Variants in CHCHD3 observed in about 807,000 individuals in gnomAD.
CHCHD3 encodes the protein MICOS complex subunit MIC19.
Under a neutral mutation model 38.2 loss-of-function variants are expected in CHCHD3, and 20 were observed. The observed-to-expected ratio is 0.52, with a 90% CI of 0.37 to 0.76. CHCHD3 has a LOEUF of 0.76. Among genes scored for constraint, CHCHD3 ranks in the 30% least tolerant of loss-of-function variants. The pLI is 0.00. For missense variants in CHCHD3, 245 were observed against 279.2 expected, an observed-to-expected ratio of 0.88 and a Z score of 0.87; for synonymous variants, 82 against 100.0, an observed-to-expected ratio of 0.82 and a Z score of 1.07.
intron 6 of CHCHD3, among the ~76,000 whole-genome samples, chr7:132,818,329 A>C (rs772670383): frequency 1.3e-5 from 2 of 152,228 alleles, no homozygotes; most frequent in Non-Finnish European, 2.9e-5. Context: ...CCACTAATGC[A>C]AGCAAGGTAG....
Position 133,035,086 on chromosome 7 carries a change from G to T in CHCHD3, c.170-10459C>A. 1 of 1,613,712 alleles carries T rather than the reference G, an allele frequency of 6.2e-7. No individual in the cohort carries two copies. The highest frequency in any genetic ancestry group is 8.5e-7 in the Non-Finnish European group (1 of 1,179,734). On this transcript the variant is annotated intron_variant, in intron 2 of 7. Coordinates refer to ENST00000262570, the MANE Select transcript of CHCHD3 (RefSeq NM_017812.4). This position sits in a 1 kb window ranked among gnomAD's most constrained non-coding sequence, Gnocchi z 4.7. ...GTACTCTTGGGCAGGTGAGCGAAGGGGTCCTTGGCCTTGGGCTCAGCAGCC... is the reference window on the plus strand; with the variant it reads ...GTACTCTTGGGCAGGTGAGCGAAGGTGTCCTTGGCCTTGGGCTCAGCAGCC...
chr7:132,966,049 T>C (rs1244179936), intron 4 of CHCHD3, among the ~76,000 whole-genome samples: 1 of 152,214 alleles, frequency 6.6e-6, no homozygotes, highest in African/African-American at 2.4e-5. Flanking sequence ...GTGCTATCTG[T>C]GTAAATCATA....
chr7:132,831,874 G>A (rs1219108471), intron 6 of CHCHD3, among the ~76,000 whole-genome samples: 1 of 152,048 alleles, frequency 6.6e-6, no homozygotes, highest in Non-Finnish European at 1.5e-5. Context: ...CAATTAAGCA[G>A]GATCTTTAAA....
rs1453712089 is a variant in CHCHD3 at position 132,796,448 on chromosome 7, G to A, written c.654C>T (p.Ala218=). 1 of 1,613,690 alleles carries A rather than the reference G, an allele frequency of 6.2e-7. No individual in the cohort carries two copies. The highest frequency in any genetic ancestry group is 8.5e-7 in the Non-Finnish European group (1 of 1,179,746). ...ATQYMHCVNH[A]KQSMLEKGG is the part of the protein sequence containing the mutation. ...GCCTGGCTGGCACACCTACCTGTTT[G>A]GCATGATTGACACAGTGCATATACT... Residue 218 remains alanine, a synonymous_variant, in exon 7 of 8, where the codon GCC becomes GCT. Coordinates refer to ENST00000262570, the MANE Select transcript of CHCHD3 (RefSeq NM_017812.4).
chr7:132,811,663 C>T (rs906427113), intron 6 of CHCHD3, among the ~76,000 whole-genome samples: 1 of 152,232 alleles, frequency 6.6e-6, no homozygotes, highest in African/African-American at 2.4e-5. Context: ...TAGTAGACAT[C>T]TTATAGGACC....
intron 1 of CHCHD3, among the ~76,000 whole-genome samples, chr7:133,075,422 G>A (rs1584689894): frequency 6.6e-6 from 1 of 152,168 alleles, no homozygotes; most frequent in African/African-American, 2.4e-5. Context: ...GCCATCTACT[G>A]TTGCACCTCT....
intron 6 of CHCHD3, among the ~76,000 whole-genome samples, chr7:132,815,162 C>G (rs1162226276): frequency 6.6e-6 from 1 of 152,156 alleles, no homozygotes; most frequent in Non-Finnish European, 1.5e-5. Flanking sequence ...TCAAATCCAG[C>G]CACTTTTAGA....
intron 6 of CHCHD3, among the ~76,000 whole-genome samples, chr7:132,813,928 G>T (rs1373555125): frequency 6.6e-6 from 1 of 152,162 alleles, no homozygotes; most frequent in African/African-American, 2.4e-5. Context: ...CGTGCTCACG[G>T]GGAGCAACAG....
chr7:133,064,311 CA>C (rs1238209402), intron 2 of CHCHD3, among the ~76,000 whole-genome samples: 23 of 152,252 alleles, frequency 1.5e-4, no homozygotes, highest in African/African-American at 5.3e-4. Flanking sequence ...GCCTTTAATT[CA>C]ATAGCAATTA....
At chr7:132,933,201 G>A (rs1000356298) in intron 4 of CHCHD3, among the ~76,000 whole-genome samples, 1 of 152,182 alleles carries the variant, frequency 6.6e-6, no homozygotes, top group Non-Finnish European at 1.5e-5. Context: ...CTTATCAACT[G>A]AGTCATATTT....
At chr7:132,978,614 G>A (rs73162650) in intron 3 of CHCHD3, among the ~76,000 whole-genome samples, 232 of 152,190 alleles carry the variant, frequency 1.5e-3, no homozygotes, top group Non-Finnish European at 2.7e-3. Context: ...AGAACACAAG[G>A]CGATGGTATA....
chr7:133,031,878 A>C (rs1813514045), intron 2 of CHCHD3, among the ~76,000 whole-genome samples: 1 of 152,200 alleles, frequency 6.6e-6, no homozygotes, highest in African/African-American at 2.4e-5. Flanking sequence ...GCCAAATTAA[A>C]TTTTCAGCTC....
chr7:132,953,923 G>T (rs1163770705), intron 4 of CHCHD3, among the ~76,000 whole-genome samples: 1 of 152,124 alleles, frequency 6.6e-6, no homozygotes, highest in Non-Finnish European at 1.5e-5. Flanking sequence ...ATAAATTATC[G>T]GGTTGCCCTA....
intron 2 of CHCHD3, among the ~76,000 whole-genome samples, chr7:133,067,256 G>A (rs554545528): frequency 2.6e-5 from 4 of 151,068 alleles, no homozygotes; most frequent in Admixed American, 1.3e-4. Flanking sequence ...CGCTAACTCC[G>A]TAACACAGGA....
intron 6 of CHCHD3, among the ~76,000 whole-genome samples, chr7:132,835,646 T>C (rs1449843324): frequency 6.6e-6 from 1 of 152,196 alleles, no homozygotes; most frequent in African/African-American, 2.4e-5. Context: ...TCTTTCTCTA[T>C]GAAATCCACT....
intron 6 of CHCHD3, among the ~76,000 whole-genome samples, chr7:132,808,000 C>G (rs2117046601): frequency 6.6e-6 from 1 of 152,100 alleles, no homozygotes; most frequent in East Asian, 1.9e-4. Context: ...AAATAGAAAA[C>G]TGATTGAAAA....
At chr7:132,830,514 A>C in intron 6 of CHCHD3, among the ~76,000 whole-genome samples, 1 of 152,242 alleles carries the variant, frequency 6.6e-6, no homozygotes, top group Non-Finnish European at 1.5e-5. Context: ...ACAGAAGGTG[A>C]CAGTTATAAT....
chr7:133,017,649 C>G (rs562746948), intron 3 of CHCHD3, among the ~76,000 whole-genome samples: 10 of 152,248 alleles, frequency 6.6e-5, no homozygotes, highest in African/African-American at 2.2e-4. Flanking sequence ...CTATTATAAC[C>G]AGTAAAAAAG....
chr7:133,072,383 C>CTTCACTTA (rs1814849339), intron 1 of CHCHD3, among the ~76,000 whole-genome samples: 1 of 152,132 alleles, frequency 6.6e-6, no homozygotes, highest in South Asian at 2.1e-4. Flanking sequence ...AAGCTAGGCA[C>CTTCACTTA]TTCACTTATT....
Sources: allele counts gnomAD v4.1 joint callset (sites outside exome capture counted in the v4.1 genomes callset), GRCh38; gene constraint gnomAD v4.1.1; non-coding constraint Gnocchi (gnomAD v3.1); transcripts MANE v1.5; gene names NCBI Gene and HGNC (gene_info 2026-07-23, HGNC 2026-07-21).